RFX3: variants seen among roughly 807,000 people sequenced by gnomAD.
RFX3 encodes the protein transcription factor RFX3.
Under a neutral mutation model 98.6 loss-of-function variants are expected in RFX3, and 14 were observed. The ratio of observed to expected loss-of-function variants is 0.14; its 90% CI spans 0.09 to 0.22. The LOEUF (loss-of-function observed/expected upper bound fraction) is 0.22, where lower values mean the gene tolerates loss of function less well. RFX3 is among the 10% of genes least tolerant of loss of function. The pLI is 1.00. For synonymous variants in RFX3, 383 were observed against 328.4 expected, an observed-to-expected ratio of 1.17 and a Z score of -1.80; for missense variants, 639 against 926.9, an observed-to-expected ratio of 0.69 and a Z score of 4.03.
intron 16 of RFX3, 62 bp from the exon 17 acceptor site, chr9:3,225,342 G>C (rs1056837443): frequency 5.0e-6 from 8 of 1,588,672 alleles, no homozygotes; most frequent in Non-Finnish European, 1.7e-6. Flanking sequence ...GCAATCAACA[G>C]GTGCTTTAGA....
chr9:3,443,475 G>A (rs1377088360), intron 1 of RFX3, among the ~76,000 whole-genome samples: 1 of 152,166 alleles, frequency 6.6e-6, no homozygotes, highest in Non-Finnish European at 1.5e-5. Flanking sequence ...CTGTTCCTGT[G>A]TTAGTTTGCT....
At chr9:3,393,897 A>G (rs1478777861) in intron 2 of RFX3, among the ~76,000 whole-genome samples, 1 of 152,164 alleles carries the variant, frequency 6.6e-6, no homozygotes, top group Non-Finnish European at 1.5e-5. Flanking sequence ...TATTTGGGTA[A>G]TGGGTACCCT....
At chr9:3,383,448 T>G (rs746276055) in intron 2 of RFX3, among the ~76,000 whole-genome samples, 14 of 152,146 alleles carry the variant, frequency 9.2e-5, no homozygotes, top group African/African-American at 3.4e-4. Flanking sequence ...CTTATAGCAC[T>G]TCACAGTTTA....
intron 1 of RFX3, among the ~76,000 whole-genome samples, chr9:3,495,637 A>G (rs1851055157): frequency 6.6e-6 from 1 of 152,072 alleles, no homozygotes; most frequent in Non-Finnish European, 1.5e-5. Context: ...ATATCTGTGT[A>G]AGTACTGTTT....
intron 7 of RFX3, among the ~76,000 whole-genome samples, chr9:3,284,806 T>C (rs775912003): frequency 2.0e-5 from 3 of 151,730 alleles, no homozygotes; most frequent in East Asian, 3.9e-4. Flanking sequence ...GGCTTGAGAA[T>C]GGCTTTATCT....
intron 15 of RFX3, among the ~76,000 whole-genome samples, chr9:3,243,516 G>C (rs940428590): frequency 6.6e-6 from 1 of 152,084 alleles, no homozygotes; most frequent in Non-Finnish European, 1.5e-5. Flanking sequence ...TGAAATGACA[G>C]CATTAAAGTC....
chr9:3,488,759 C>T (rs577472974), intron 1 of RFX3: 57 of 984,562 alleles, frequency 5.8e-5, no homozygotes, highest in Non-Finnish European at 6.4e-5. Context: ...TTTTGATGTA[C>T]TTTACAGAGG....
At chr9:3,490,710 C>T (rs1221898859) in intron 1 of RFX3, among the ~76,000 whole-genome samples, 5 of 151,970 alleles carry the variant, frequency 3.3e-5, no homozygotes, top group African/African-American at 1.2e-4. Context: ...AGAGAGCAAA[C>T]AATTCTGAAA....
At chr9:3,391,433 G>A (rs771059868) in intron 2 of RFX3, among the ~76,000 whole-genome samples, 13 of 152,130 alleles carry the variant, frequency 8.5e-5, no homozygotes, top group African/African-American at 1.2e-4. Flanking sequence ...AAAAAACTGC[G>A]TGAAATAAAA....
At chr9:3,255,164 A>G (rs901746394) in intron 14 of RFX3, among the ~76,000 whole-genome samples, 3 of 152,250 alleles carry the variant, frequency 2.0e-5, no homozygotes, top group Non-Finnish European at 4.4e-5. Context: ...TTTAAGAAAT[A>G]AGAATATGGA....
chr9:3,493,080 G>A (rs1439332439), intron 1 of RFX3, among the ~76,000 whole-genome samples: 1 of 151,888 alleles, frequency 6.6e-6, no homozygotes, highest in Non-Finnish European at 1.5e-5. Flanking sequence ...ATTTACTGAG[G>A]GTCCTAGCAT....
At chr9:3,391,852 C>T (rs1840346883) in intron 2 of RFX3, among the ~76,000 whole-genome samples, 1 of 152,182 alleles carries the variant, frequency 6.6e-6, no homozygotes. Flanking sequence ...CTTTCCCTAA[C>T]TTTAGTAAAA....
At chr9:3,373,447 C>T (rs1202486529) in intron 2 of RFX3, among the ~76,000 whole-genome samples, 1 of 152,028 alleles carries the variant, frequency 6.6e-6, no homozygotes, top group Admixed American at 6.6e-5. Flanking sequence ...TTCTTTGACA[C>T]CTATGTAGTT....
intron 2 of RFX3, among the ~76,000 whole-genome samples, chr9:3,388,507 C>T (rs909920848): frequency 5.3e-5 from 8 of 151,992 alleles, no homozygotes; most frequent in African/African-American, 1.7e-4. Context: ...AAAAAGAAAC[C>T]AATATAGCCA....
In RFX3 at chr9:3,241,421, AT is replaced by A. The variant is rs1278568886; in HGVS notation, c.1968+6610del. Among the ~76,000 whole-genome samples, 65 of 152,298 alleles carry A rather than the reference AT, an allele frequency of 4.3e-4. 3 individuals carry two copies. In the East Asian group the frequency reaches 0.012, roughly 29 times the overall value. On this transcript the variant is annotated intron_variant, in intron 15 of 16. Coordinates refer to ENST00000617270, the MANE Select transcript of RFX3 (RefSeq NM_001282116.2). Reference sequence around the variant, plus strand: ...CCTGAAGAGGATGAGAGGAGAGGTTATAGCCCAGAGCCAGCAGGGAAGAAAG... The same window carrying A: ...CCTGAAGAGGATGAGAGGAGAGGTTAAGCCCAGAGCCAGCAGGGAAGAAAG...
At chr9:3,423,207 C>T (rs36091570) in intron 1 of RFX3, among the ~76,000 whole-genome samples, 15,564 of 152,064 alleles carry the variant, frequency 0.1, 839 homozygotes, top group African/African-American at 0.12. Flanking sequence ...TCAAACGGTA[C>T]AACCACTTCA....
At chr9:3,475,317 C>A (rs574828083) in intron 1 of RFX3, among the ~76,000 whole-genome samples, 2 of 151,906 alleles carry the variant, frequency 1.3e-5, no homozygotes, top group East Asian at 3.9e-4. Flanking sequence ...GAAAAGACAG[C>A]TGGGCCCGGG....
intron 2 of RFX3, among the ~76,000 whole-genome samples, chr9:3,371,660 C>T (rs1372252564): frequency 6.6e-6 from 1 of 152,048 alleles, no homozygotes; most frequent in Non-Finnish European, 1.5e-5. Context: ...TGAAAAGACG[C>T]TACAGGAAGT....
chr9:3,312,756 C>T (rs1273854794), intron 4 of RFX3, among the ~76,000 whole-genome samples: 1 of 152,158 alleles, frequency 6.6e-6, no homozygotes, highest in Non-Finnish European at 1.5e-5. Context: ...CCCATGGAGC[C>T]TCGCTCACTG....
Sources: gnomAD v4.1 joint callset for allele counts (sites outside exome capture counted in the v4.1 genomes callset) on GRCh38, gnomAD v4.1.1 for gene constraint, MANE v1.5 for transcripts, NCBI Gene and HGNC (gene_info 2026-07-23, HGNC 2026-07-21) for gene names.